The following IFT25 variants were observed in gnomAD, a reference collection of about 807,000 sequenced individuals.
IFT25 encodes the protein intraflagellar transport 25, also known as intraflagellar transport protein 25 homolog.
chr1:53,940,495 C>A, the IFT25 span, among the ~76,000 whole-genome samples: 1 of 151,932 alleles, frequency 6.6e-6, no homozygotes, highest in African/African-American at 2.4e-5. Flanking sequence ...AGCAAGAACA[C>A]AGATTTAAGC....
the IFT25 span, among the ~76,000 whole-genome samples, chr1:53,933,831 T>A: frequency 4.6e-5 from 7 of 152,232 alleles, no homozygotes; most frequent in South Asian, 2.1e-4. Context: ...ATAATTTTTT[T>A]AAAATTCCAT....
At chr1:53,944,339 C>T in the IFT25 span, among the ~76,000 whole-genome samples, 1 of 152,024 alleles carries the variant, frequency 6.6e-6, no homozygotes, top group Non-Finnish European at 1.5e-5. Flanking sequence ...CCCCAAAACC[C>T]TCTCTACTAA....
chr1:53,912,420 C>G, the IFT25 span, among the ~76,000 whole-genome samples: 1 of 152,200 alleles, frequency 6.6e-6, no homozygotes, highest in Non-Finnish European at 1.5e-5. Context: ...GCAGCTTAAT[C>G]TCACAGGGGA....
the IFT25 span, among the ~76,000 whole-genome samples, chr1:53,917,920 A>T: frequency 6.6e-6 from 1 of 152,186 alleles, no homozygotes; most frequent in Admixed American, 6.5e-5. Flanking sequence ...AGGAGCTCTT[A>T]GGTCTCCTTG....
chr1:53,931,531 C>A, the IFT25 span, among the ~76,000 whole-genome samples: 1 of 152,044 alleles, frequency 6.6e-6, no homozygotes, highest in South Asian at 2.1e-4. Flanking sequence ...AATATTTGAC[C>A]GAATTTAATT....
chr1:53,941,577 C>T, the IFT25 span, among the ~76,000 whole-genome samples: 3 of 152,134 alleles, frequency 2.0e-5, no homozygotes, highest in Admixed American at 2.0e-4. Flanking sequence ...CAGTTTTCGA[C>T]ACTATTGATA....
chr1:53,933,577 C>T, the IFT25 span, among the ~76,000 whole-genome samples: 1 of 152,154 alleles, frequency 6.6e-6, no homozygotes, highest in Non-Finnish European at 1.5e-5. Flanking sequence ...GATGCATCTT[C>T]TTTCATCCTT....
chr1:53,924,258 T>TA, the IFT25 span, among the ~76,000 whole-genome samples: 3 of 151,912 alleles, frequency 2.0e-5, no homozygotes, highest in East Asian at 1.9e-4. Flanking sequence ...AACATTTATT[T>TA]AAAAAAAATC....
chr1:53,946,118 T>G, the IFT25 span: 1 of 150,154 alleles, frequency 6.7e-6, no homozygotes, highest in Non-Finnish European at 1.5e-5. Context: ...CCTGTGCGCC[T>G]TTCCCCAGGC....
the IFT25 span, among the ~76,000 whole-genome samples, chr1:53,921,112 G>A: frequency 6.6e-6 from 1 of 152,124 alleles, no homozygotes; most frequent in Admixed American, 6.5e-5. Context: ...GATGGAGGCT[G>A]CAGTGAGCCA....
chr1:53,938,849 C>T, the IFT25 span, among the ~76,000 whole-genome samples: 30,817 of 151,830 alleles, frequency 0.2, 4,425 homozygotes, highest in African/African-American at 0.42. Flanking sequence ...CCAAGGCGGG[C>T]GAATCACCTG....
chr1:53,945,020 A>T, the IFT25 span, among the ~76,000 whole-genome samples: 1 of 152,154 alleles, frequency 6.6e-6, no homozygotes, highest in South Asian at 2.1e-4. Context: ...GTACTTTAGA[A>T]AACACGGACC....
At chr1:53,919,981 T>C in the IFT25 span, among the ~76,000 whole-genome samples, 11 of 152,194 alleles carry the variant, frequency 7.2e-5, no homozygotes, top group African/African-American at 2.4e-4. Flanking sequence ...ACTTTTTTTG[T>C]AGATATGGGG....
the IFT25 span, among the ~76,000 whole-genome samples, chr1:53,914,614 T>C: frequency 3.3e-5 from 5 of 152,236 alleles, no homozygotes; most frequent in African/African-American, 4.8e-5. Context: ...CTTATCTTTG[T>C]ATATTCCTTT....
chr1:53,935,275 T>G, the IFT25 span, among the ~76,000 whole-genome samples: 9 of 152,210 alleles, frequency 5.9e-5, no homozygotes, highest in Non-Finnish European at 1.0e-4. Context: ...ATTGCGCCAC[T>G]GCACTCCGAC....
chr1:53,918,712 G>A, the IFT25 span, among the ~76,000 whole-genome samples: 1 of 152,170 alleles, frequency 6.6e-6, no homozygotes, highest in South Asian at 2.1e-4. Flanking sequence ...ATTAAATTCA[G>A]GTTCAGTAAT....
chr1:53,921,834 C>A, the IFT25 span: 55 of 890,588 alleles, frequency 6.2e-5, no homozygotes, highest in Non-Finnish European at 9.2e-5. Context: ...AAGCAGTTAG[C>A]AAAAGAAACA....
chr1:53,944,516 G>A, the IFT25 span, among the ~76,000 whole-genome samples: 4 of 152,152 alleles, frequency 2.6e-5, no homozygotes, highest in Admixed American at 6.5e-5. Context: ...GTGGTGGCAG[G>A]TGCCTGTAAT....
the IFT25 span, among the ~76,000 whole-genome samples, chr1:53,933,052 A>G: frequency 3.3e-5 from 5 of 152,086 alleles, no homozygotes; most frequent in South Asian, 1.0e-3. Flanking sequence ...TCTCCCTTTC[A>G]TCTGTCAGAT....
Sources: gnomAD v4.1 joint callset for allele counts (sites outside exome capture counted in the v4.1 genomes callset) on GRCh38, gnomAD v4.1.1 for gene constraint, MANE v1.5 for transcripts, NCBI Gene and HGNC (gene_info 2026-07-23, HGNC 2026-07-21) for gene names.